Variants in TMEM89 observed in about 807,000 individuals in gnomAD.
The protein encoded by TMEM89 is transmembrane protein 89.
A neutral mutation model predicts 9.3 loss-of-function variants in TMEM89; 4 were observed. The ratio of observed to expected loss-of-function variants is 0.43; its 90% confidence interval spans 0.21 to 0.98. TMEM89 has a LOEUF of 0.98. Ranked by LOEUF, TMEM89 falls within the 50% of genes least tolerant of loss-of-function variation. TMEM89 has a pLI of 0.27. For missense variants in TMEM89, 220 were observed against 214.7 expected (o/e 1.02, Z -0.15); for synonymous variants, 96 against 92.5 (o/e 1.04, Z -0.21).
intron 1 of TMEM89, 71 bp downstream of exon 1, chr3:48,621,392 G>A: frequency 2.6e-6 from 4 of 1,553,430 alleles, no homozygotes; most frequent in East Asian, 2.3e-5. Flanking sequence ...AGGGTTGGGT[G>A]GAAGACGGGC....
At chr3:48,621,070 A>G in intron 1 of TMEM89, 43 bp from the exon 2 acceptor site, 1 of 1,597,722 alleles carries the variant, frequency 6.3e-7, no homozygotes, top group Non-Finnish European at 8.6e-7. Flanking sequence ...TGGTGGGCAG[A>G]GAGGGAGATG....
rs150843832 is a variant in TMEM89 at position 48,620,846 on chromosome 3, C to G, written c.476G>C (p.Gly159Ala). ...IQIKGTSTQS[G>A] is the part of the protein sequence containing the mutation. ...CAAAGAGAGGCACATGTTCGGTCAC[C>G]CACTCTGGGTGGAAGTCCCCTTTAT... The change falls in exon 2 of 2, where the codon GGG (glycine) becomes GCG (alanine). Residue 159 changes from glycine (G) to alanine (A), a missense_variant. Transcript: ENST00000330862. 6.2e-7 allele frequency: 1 copy of G among 1,614,132 alleles called. No individual in the cohort carries two copies. The highest frequency in any genetic ancestry group is 2.2e-5 in the East Asian group (1 of 44,888).
At chr3:48,621,366 T>G (rs1575518954) in intron 1 of TMEM89, 97 bp downstream of exon 1, 2 of 1,452,134 alleles carry the variant, frequency 1.4e-6, no homozygotes, top group Non-Finnish European at 9.3e-7. Context: ...CACAGGCCAG[T>G]GTGGACCCAT....
At chr3:48,621,437 G>T in intron 1 of TMEM89, 26 bp downstream of exon 1, 1 of 1,607,144 alleles carries the variant, frequency 6.2e-7, no homozygotes, top group Non-Finnish European at 8.5e-7. Flanking sequence ...CAGGGGCTGT[G>T]GGGGAGAAAG....
At position 48,620,852 on chromosome 3, in the gene TMEM89, T is replaced by C; in HGVS notation, c.470A>G (p.Gln157Arg). The change falls in exon 2 of 2, where the codon CAG becomes CGG. Residue 157 changes from glutamine (Q) to arginine (R), a missense_variant. Transcript: ENST00000330862. ...GAGGCACATGTTCGGTCACCCACTC[T>C]GGGTGGAAGTCCCCTTTATTTGGAT... ...RQIQIKGTST[Q>R]SG The C allele has an allele frequency of 6.2e-7, 1 of 1,614,186 alleles. No individual in the cohort carries two copies. Among genetic ancestry groups the C allele is most frequent in the Non-Finnish European group, 8.5e-7 (1 of 1,180,024 alleles).
chr3:48,621,446 A>T lies in TMEM89; in HGVS notation c.294+17T>A, dbSNP rs1398981376. On this transcript the variant is annotated intron_variant, in intron 1 of 1. Coordinates refer to ENST00000330862, the MANE Select transcript of TMEM89 (RefSeq NM_001008269.3). ...TTGAGGCAGGGGCTGTGGGGGAGAA[A>T]GAAGAGCTGTGCTCACCTCACCCTT... 6.2e-7 allele frequency: 1 copy of T among 1,609,588 alleles called. No individual in the cohort carries two copies. The highest frequency in any genetic ancestry group is 8.5e-7 in the Non-Finnish European group (1 of 1,178,472).
rs759111574 is a variant in TMEM89, at chr3:48,621,617, C to G, written c.140G>C (p.Gly47Ala). ...PWGCQPKSVE[G>A]CRGGLSCPGY... ...AGGACAGCTCAGGCCACCCCTACAG[C>G]CCTCCACACTCTTTGGCTGACACCC... The change falls in exon 1 of 2, where the codon GGC becomes GCC. Residue 47 changes from glycine to alanine, a missense_variant. By Grantham distance (60) the Gly-to-Ala change is moderately conservative. Coordinates refer to ENST00000330862, the MANE Select transcript of TMEM89 (RefSeq NM_001008269.3). The G allele has an allele frequency of 1.2e-6, 2 of 1,613,852 alleles. No individual in the cohort carries two copies. The highest frequency in any genetic ancestry group is 1.7e-6 in the Non-Finnish European group (2 of 1,180,002).
intron 1 of TMEM89, 88 bp downstream of exon 1, chr3:48,621,375 A>AT: frequency 6.7e-7 from 1 of 1,488,114 alleles, no homozygotes; most frequent in South Asian, 1.2e-5. Context: ...GTGTGGACCC[A>AT]TGGGGCAGGG....
chr3:48,621,364 A>G, intron 1 of TMEM89, 99 bp downstream of exon 1: 2 of 1,383,936 alleles, frequency 1.4e-6, no homozygotes, highest in East Asian at 5.1e-5. Context: ...TCCACAGGCC[A>G]GTGTGGACCC....
intron 1 of TMEM89, 60 bp from the exon 2 acceptor site, chr3:48,621,087 G>A (rs1365021689): frequency 6.4e-7 from 1 of 1,565,886 alleles, no homozygotes; most frequent in East Asian, 2.2e-5. Flanking sequence ...GATGTGACAA[G>A]GGGCAGTGAT....
intron 1 of TMEM89, 24 bp downstream of exon 1, chr3:48,621,439 G>A (rs377355551): frequency 1.1e-4 from 182 of 1,607,870 alleles, no homozygotes; most frequent in Non-Finnish European, 1.4e-4. Flanking sequence ...GGGGCTGTGG[G>A]GGAGAAAGAA....
Position 48,621,454 on chromosome 3 carries a change from T to C in TMEM89, c.294+9A>G, listed in dbSNP as rs1287892175. Reference sequence around the variant, plus strand: ...GGGGCTGTGGGGGAGAAAGAAGAGCTGTGCTCACCTCACCCTTGGTGGCCT... The same window carrying C: ...GGGGCTGTGGGGGAGAAAGAAGAGCCGTGCTCACCTCACCCTTGGTGGCCT... On this transcript the variant is annotated intron_variant, in intron 1 of 1. Coordinates refer to ENST00000330862, the MANE Select transcript of TMEM89 (RefSeq NM_001008269.3). The C allele has an allele frequency of 6.2e-7, 1 of 1,611,366 alleles. No homozygotes were observed. Among genetic ancestry groups the C allele is most frequent in the Non-Finnish European group, 8.5e-7 (1 of 1,179,134 alleles).
Sources: allele counts gnomAD v4.1 joint callset, GRCh38; gene constraint gnomAD v4.1.1; transcripts MANE v1.5; gene names NCBI Gene and HGNC (gene_info 2026-07-23, HGNC 2026-07-21).